Variants in ATP7A observed in about 807,000 individuals in gnomAD.
ATP7A encodes the protein ATPase copper transporting alpha.
Under a neutral mutation model 83.5 loss-of-function variants are expected in ATP7A, and 7 were observed. That is an observed-to-expected ratio of 0.08 (90% CI 0.05 to 0.16). The LOEUF is 0.16. Ranked by LOEUF, ATP7A falls within the 10% of genes least tolerant of loss-of-function variation. The pLI is 1.00. For synonymous variants in ATP7A, 354 were observed against 395.2 expected, an observed-to-expected ratio of 0.90 and a Z score of 1.24; for missense variants, 940 against 1,120.8, an observed-to-expected ratio of 0.84 and a Z score of 2.30.
chrX:77,934,132 G>T (rs1164509280), intron 1 of ATP7A, among the ~76,000 whole-genome samples: 2 of 111,877 alleles, frequency 1.8e-5, no homozygotes, highest in Non-Finnish European at 3.8e-5. Context: ...GTCTTTTCTA[G>T]GCCAGGCGTG....
rs1330851706 is a variant in ATP7A at position 77,931,846 on chromosome X, C to A, written c.-22+21011C>A. ...TGACCCCCCCCACCTCCCTCCCGGACGGGGCGGCTGGCCGGGCAGAGGGGC... is the reference window on the plus strand; with the variant it reads ...TGACCCCCCCCACCTCCCTCCCGGAAGGGGCGGCTGGCCGGGCAGAGGGGC... On this transcript the variant is annotated intron_variant, in intron 1 of 22. Transcript: ENST00000341514. 2.0e-3 allele frequency among the ~76,000 whole-genome samples: 167 copies of A among 83,048 alleles called. 2 individuals are homozygous for A. Among genetic ancestry groups the A allele is most frequent in the Non-Finnish European group, 3.0e-3 (126 of 42,681 alleles). 72.1% of individuals were successfully genotyped at this position (83,048 alleles called of 115,157 possible).
chrX:77,921,037 A>G (rs2077211408), intron 1 of ATP7A, among the ~76,000 whole-genome samples: 1 of 112,247 alleles, frequency 8.9e-6, no homozygotes, highest in Non-Finnish European at 1.9e-5. Flanking sequence ...TCCATGTTGT[A>G]GTATATGTGA....
chrX:78,013,215 C>A (rs2149096161), intron 10 of ATP7A, 103 bp downstream of exon 10: 1 of 732,300 alleles, frequency 1.4e-6, no homozygotes, highest in Non-Finnish European at 2.1e-6. Flanking sequence ...TGTAGTTAAC[C>A]ATTTACTGAA....
At chrX:78,015,670 T>A in intron 11 of ATP7A, 84 bp from the exon 12 acceptor site, 2 of 1,152,003 alleles carry the variant, frequency 1.7e-6, no homozygotes, top group Non-Finnish European at 2.4e-6. Flanking sequence ...AGCCACAAGC[T>A]TGACGTGAAC....
At chrX:78,001,707 G>C (rs1391983442) in intron 5 of ATP7A, among the ~76,000 whole-genome samples, 2 of 110,239 alleles carry the variant, frequency 1.8e-5, no homozygotes, top group Admixed American at 2.0e-4. Context: ...CCCATTCCCT[G>C]TCAGGTAGCC....
intron 18 of ATP7A, 34 bp downstream of exon 18, chrX:78,039,016 G>A: frequency 8.4e-7 from 1 of 1,190,967 alleles, no homozygotes; most frequent in Non-Finnish European, 1.1e-6. Context: ...ATAACTCAAT[G>A]TTTTGTTATT....
chrX:78,008,589 A>G (rs1557233996), intron 6 of ATP7A, among the ~76,000 whole-genome samples: 2 of 111,479 alleles, frequency 1.8e-5, no homozygotes, highest in African/African-American at 6.5e-5. Flanking sequence ...CAAATCCTCT[A>G]TCACTGAGTA....
intron 1 of ATP7A, among the ~76,000 whole-genome samples, chrX:77,956,728 T>TTTCTTTCTTTCC (rs1243796504): frequency 1.7e-5 from 1 of 59,863 alleles, no homozygotes; most frequent in African/African-American, 6.2e-5. Context: ...CCCAGTCTCC[T>TTTCTTTCTTTCC]TTCTTTCTTT....
At chrX:77,946,452 G>A in intron 1 of ATP7A, among the ~76,000 whole-genome samples, 1 of 110,536 alleles carries the variant, frequency 9.0e-6, no homozygotes, top group Non-Finnish European at 1.9e-5. Flanking sequence ...AACCTATTAA[G>A]CTGATTGTTC....
chrX:77,931,666 G>T (rs1557224313), intron 1 of ATP7A, among the ~76,000 whole-genome samples: 1 of 102,951 alleles, frequency 9.7e-6, no homozygotes, highest in African/African-American at 3.6e-5. Context: ...CTCCCTCCCG[G>T]ACGGGGTGGC....
At chrX:77,955,769 TG>T (rs1557227278) in intron 1 of ATP7A, among the ~76,000 whole-genome samples, 1 of 110,794 alleles carries the variant, frequency 9.0e-6, no homozygotes, top group Non-Finnish European at 1.9e-5. Flanking sequence ...AATGTGACCT[TG>T]TAGCCATTTA....
chrX:78,002,341 C>T (rs782280524), intron 5 of ATP7A, among the ~76,000 whole-genome samples: 7 of 108,597 alleles, frequency 6.4e-5, no homozygotes, highest in East Asian at 5.7e-4. Context: ...CTCGGCCTCC[C>T]GAAGTTCTGG....
In ATP7A at chrX:77,988,141, T is replaced by A. The variant is rs2077649228; in HGVS notation, c.121-101T>A. ...AACTAATAGGGAAACTCCATTAGAT[T>A]GAGTTGTCTCACTCTTCTTGAATGT... On this transcript the variant is annotated intron_variant, in intron 2 of 22. Coordinates refer to ENST00000341514, the MANE Select transcript of ATP7A (RefSeq NM_000052.7). 4 of 909,735 alleles carry A rather than the reference T, an allele frequency of 4.4e-6. No homozygotes were observed. The East Asian group carries it at 9.3e-5, about 21-fold the overall frequency. The allele number at this position is 909,735 out of a possible 1,213,427, so 75.0% of individuals were successfully genotyped here.
chrX:77,997,609 G>A (rs1252188535), intron 4 of ATP7A, among the ~76,000 whole-genome samples: 1 of 108,504 alleles, frequency 9.2e-6, no homozygotes, highest in Non-Finnish European at 1.9e-5. Flanking sequence ...AAAATCTTTG[G>A]CTTTTTTTTT....
At chrX:77,931,591 C>G (rs1232982520) in intron 1 of ATP7A, among the ~76,000 whole-genome samples, 2 of 105,465 alleles carry the variant, frequency 1.9e-5, no homozygotes, top group Non-Finnish European at 4.0e-5. Flanking sequence ...TAGGGGCGGC[C>G]GGGCAGAGGC....
intron 1 of ATP7A, among the ~76,000 whole-genome samples, chrX:77,965,965 G>A (rs2038236757): frequency 8.9e-6 from 1 of 111,919 alleles, no homozygotes; most frequent in South Asian, 3.7e-4. Flanking sequence ...GTAGATTAGT[G>A]GTTGCCCAGG....
intron 12 of ATP7A, among the ~76,000 whole-genome samples, chrX:78,017,765 C>CTTTTTTTTTTTTTTTT (rs1176316040): frequency 1.1e-4 from 5 of 45,859 alleles, no homozygotes; most frequent in Non-Finnish European, 1.1e-4. Flanking sequence ...TTTCTTGTTT[C>CTTTTTTTTTTTTTTTT]TTTTTTTTTT....
At chrX:78,018,980 C>T (rs1381718821) in intron 12 of ATP7A, among the ~76,000 whole-genome samples, 2 of 111,623 alleles carry the variant, frequency 1.8e-5, no homozygotes, top group African/African-American at 6.5e-5. Flanking sequence ...CCCCACATGA[C>T]TCAATCACCT....
chrX:77,931,517 T>C (rs1297487815), intron 1 of ATP7A, among the ~76,000 whole-genome samples: 2 of 112,647 alleles, frequency 1.8e-5, no homozygotes, highest in East Asian at 5.6e-4. Context: ...CCGTTCTCAA[T>C]GAGCTGTTGG....
Sources: allele counts gnomAD v4.1 joint callset (sites outside exome capture counted in the v4.1 genomes callset), GRCh38; gene constraint gnomAD v4.1.1; transcripts MANE v1.5; gene names NCBI Gene and HGNC (gene_info 2026-07-23, HGNC 2026-07-21).